The following LUZP2 variants were observed in gnomAD, a reference collection of about 807,000 sequenced individuals.
The protein encoded by LUZP2 is leucine zipper protein 2.
LUZP2 carries 52 observed loss-of-function variants against 51.6 expected under a neutral mutation model. The observed-to-expected ratio is 1.01, with a 90% CI of 0.81 to 1.27. The LOEUF (loss-of-function observed/expected upper bound fraction) is 1.27, where lower values mean the gene tolerates loss of function less well. LUZP2 is among the 50% of genes most tolerant of loss of function. LUZP2 has a pLI of 0.00. For missense variants in LUZP2, 436 were observed against 395.4 expected (o/e 1.10, Z -0.87); for synonymous variants, 154 against 137.3 (o/e 1.12, Z -0.85).
rs920870301 is a variant in LUZP2, at chr11:25,082,163, GCTAA to G, written c.*3508_*3511del. The G allele has an allele frequency of 6.6e-6, 1 of 152,446 alleles. No homozygotes were observed. The highest frequency in any genetic ancestry group is 2.4e-5 in the African/African-American group (1 of 41,394). 9.4% of individuals were successfully genotyped at this position (152,446 alleles called of 1,614,324 possible). On this transcript the variant is annotated 3_prime_UTR_variant, in exon 12 of 12. Coordinates refer to ENST00000336930, the MANE Select transcript of LUZP2 (RefSeq NM_001009909.4). Reference sequence around the variant, plus strand: ...ATCTGAATATTGAAAAAACTAGGTTGCTAACTTTTTTCATTCCTTATGCAAATGT... The same window carrying G: ...ATCTGAATATTGAAAAAACTAGGTTGCTTTTTTCATTCCTTATGCAAATGT...
At chr11:25,053,824 C>A (rs1440284202) in intron 10 of LUZP2, among the ~76,000 whole-genome samples, 1 of 152,068 alleles carries the variant, frequency 6.6e-6, no homozygotes, top group African/African-American at 2.4e-5. Flanking sequence ...TGTAGAATTG[C>A]TGGGTTTGAT....
intron 10 of LUZP2, among the ~76,000 whole-genome samples, chr11:25,056,225 G>A (rs1858680883): frequency 6.6e-6 from 1 of 152,168 alleles, no homozygotes; most frequent in African/African-American, 2.4e-5. Flanking sequence ...ATATAAAAAT[G>A]AACTCTTAAT....
intron 1 of LUZP2, among the ~76,000 whole-genome samples, chr11:24,722,829 A>T (rs1456285871): frequency 6.6e-6 from 1 of 151,896 alleles, no homozygotes; most frequent in Non-Finnish European, 1.5e-5. Context: ...AGGCAGGAGA[A>T]TTGCTTGACC....
In LUZP2 at chr11:25,078,801, T is replaced by C; in HGVS notation, c.*143T>C. 3 of 646,494 alleles carry C rather than the reference T, an allele frequency of 4.6e-6. No individual in the cohort carries two copies. Among genetic ancestry groups the C allele is most frequent in the Non-Finnish European group, 7.8e-6 (3 of 383,556 alleles). The allele number at this position is 646,494 out of a possible 1,614,324, so 40.0% of individuals were successfully genotyped here. A position where few individuals can be genotyped will look rare whatever the true frequency, so the allele number is the denominator to read the frequency against. On this transcript the variant is annotated 3_prime_UTR_variant, in exon 12 of 12. Coordinates refer to ENST00000336930, the MANE Select transcript of LUZP2 (RefSeq NM_001009909.4). ...ACTTTATAAAGTAGCCTACACATTTTCAAAGATTCCAGACCAATTATGATC... is the reference window on the plus strand; with the variant it reads ...ACTTTATAAAGTAGCCTACACATTTCCAAAGATTCCAGACCAATTATGATC...
intron 7 of LUZP2, among the ~76,000 whole-genome samples, chr11:24,955,059 G>A (rs962478809): frequency 2.0e-5 from 3 of 151,962 alleles, no homozygotes; most frequent in African/African-American, 7.2e-5. Context: ...TACTGTACAC[G>A]TGGGTCAAAA....
At chr11:24,588,323 G>A (rs1048088517) in intron 1 of LUZP2, among the ~76,000 whole-genome samples, 7 of 152,060 alleles carry the variant, frequency 4.6e-5, no homozygotes, top group African/African-American at 1.4e-4. Context: ...TATAAATCTC[G>A]CCATGGGCAA....
intron 7 of LUZP2, among the ~76,000 whole-genome samples, chr11:24,925,357 A>G (rs944016298): frequency 3.3e-5 from 5 of 152,204 alleles, no homozygotes; most frequent in East Asian, 1.9e-4. Context: ...AGGAAAGTCC[A>G]TTCAATTGGT....
intron 5 of LUZP2, among the ~76,000 whole-genome samples, chr11:24,764,343 C>G (rs1019237399): frequency 6.6e-6 from 1 of 151,684 alleles, no homozygotes; most frequent in African/African-American, 2.4e-5. Context: ...TAGAATTCAA[C>G]TAAGGAGGAA....
At chr11:24,816,065 G>A (rs1850173300) in intron 5 of LUZP2, among the ~76,000 whole-genome samples, 1 of 149,858 alleles carries the variant, frequency 6.7e-6, no homozygotes, top group Non-Finnish European at 1.5e-5. Context: ...GGTGACTTAT[G>A]TAAACTTTAT....
chr11:24,666,780 T>C (rs1856227646), intron 1 of LUZP2, among the ~76,000 whole-genome samples: 1 of 152,222 alleles, frequency 6.6e-6, no homozygotes, highest in Non-Finnish European at 1.5e-5. Flanking sequence ...GTTAAGATGA[T>C]TTTTAGTGTT....
intron 7 of LUZP2, among the ~76,000 whole-genome samples, chr11:24,962,131 G>C (rs1855428322): frequency 6.6e-6 from 1 of 152,078 alleles, no homozygotes; most frequent in African/African-American, 2.4e-5. Flanking sequence ...TTAGTCTGAT[G>C]GGCTTCCCTT....
chr11:24,909,573 T>C (rs1258931214), intron 6 of LUZP2, among the ~76,000 whole-genome samples: 1 of 151,882 alleles, frequency 6.6e-6, no homozygotes, highest in Non-Finnish European at 1.5e-5. Context: ...AGACAGCAGA[T>C]TGGAAAAGCA....
At chr11:24,647,448 T>G (rs1273456444) in intron 1 of LUZP2, among the ~76,000 whole-genome samples, 1 of 151,910 alleles carries the variant, frequency 6.6e-6, no homozygotes, top group Non-Finnish European at 1.5e-5. Flanking sequence ...ATAGCACTGG[T>G]TTTTCAAAAA....
chr11:25,077,294 C>G, intron 10 of LUZP2, 35 bp from the exon 11 acceptor site: 1 of 1,487,260 alleles, frequency 6.7e-7, no homozygotes, highest in Non-Finnish European at 9.4e-7. Context: ...CTTTCTTTAA[C>G]TTCATTGATG....
At chr11:24,925,166 C>T (rs1236201447) in intron 7 of LUZP2, among the ~76,000 whole-genome samples, 2 of 152,100 alleles carry the variant, frequency 1.3e-5, no homozygotes, top group African/African-American at 4.8e-5. Context: ...ATGTTGGTAT[C>T]TCTTATTGCT....
intron 9 of LUZP2, among the ~76,000 whole-genome samples, chr11:25,018,851 A>T (rs1433483382): frequency 6.6e-6 from 1 of 152,120 alleles, no homozygotes; most frequent in Admixed American, 6.5e-5. Context: ...CAAGTGATCC[A>T]CCTGCCTCAG....
At chr11:25,046,162 C>A in intron 9 of LUZP2, among the ~76,000 whole-genome samples, 1 of 146,062 alleles carries the variant, frequency 6.8e-6, no homozygotes, top group East Asian at 2.0e-4. Context: ...TTGAATTGGT[C>A]AGGAAATTAA....
intron 1 of LUZP2, among the ~76,000 whole-genome samples, chr11:24,529,905 C>G (rs375440478): frequency 6.6e-6 from 1 of 150,776 alleles, no homozygotes; most frequent in African/African-American, 2.4e-5. Flanking sequence ...ATAGATATCT[C>G]TATTTTATGA....
At chr11:24,918,590 C>T (rs886811407) in intron 7 of LUZP2, among the ~76,000 whole-genome samples, 3 of 151,428 alleles carry the variant, frequency 2.0e-5, no homozygotes, top group Non-Finnish European at 4.4e-5. Flanking sequence ...TTATGACAAA[C>T]CCACAGCCAA....
Sources: allele counts gnomAD v4.1 joint callset (sites outside exome capture counted in the v4.1 genomes callset), GRCh38; gene constraint gnomAD v4.1.1; transcripts MANE v1.5; gene names NCBI Gene and HGNC (gene_info 2026-07-23, HGNC 2026-07-21).